Variants in VEPH1 observed in about 807,000 individuals in gnomAD.
The protein encoded by VEPH1 is ventricular zone expressed PH domain containing 1.
Under a neutral mutation model 85.2 loss-of-function variants are expected in VEPH1, and 80 were observed. The ratio of observed to expected loss-of-function variants is 0.94; its 90% CI spans 0.78 to 1.13. VEPH1 has a LOEUF of 1.13. VEPH1 is among the 50% of genes most tolerant of loss of function. The pLI, the probability that VEPH1 is intolerant of heterozygous loss-of-function variation, is 0.00. For missense variants in VEPH1, 955 were observed against 980.5 expected (o/e 0.97, Z 0.35); for synonymous variants, 297 against 348.0 (o/e 0.85, Z 1.63).
chr3:157,323,762 G>A (rs979106835), intron 9 of VEPH1, among the ~76,000 whole-genome samples: 5 of 152,014 alleles, frequency 3.3e-5, no homozygotes, highest in Non-Finnish European at 5.9e-5. Flanking sequence ...ACAAGCCATA[G>A]GTGTACAAAG....
chr3:157,374,593 C>T (rs562119314), intron 7 of VEPH1, among the ~76,000 whole-genome samples: 32 of 152,150 alleles, frequency 2.1e-4, no homozygotes, highest in Non-Finnish European at 4.4e-4. Context: ...TAGAGGGACA[C>T]AGAAGGACAC....
chr3:157,383,015 T>A (rs1480430388), intron 6 of VEPH1, among the ~76,000 whole-genome samples: 3 of 152,080 alleles, frequency 2.0e-5, no homozygotes, highest in East Asian at 1.9e-4. Context: ...TTTTATTTTT[T>A]TTTGTAGAGA....
chr3:157,363,679 G>T lies in VEPH1; in HGVS notation c.1420C>A (p.Pro474Thr). 6.2e-7 allele frequency: 1 copy of T among 1,614,094 alleles called. No individual in the cohort carries two copies. The highest frequency in any genetic ancestry group is 8.5e-7 in the Non-Finnish European group (1 of 1,180,014). Reference sequence around the variant, plus strand: ...ATTTCTGAAAGAGAGATGCTGGCTGGTATGTCTCCCCTGTTTTCATCTTCG... The same window carrying T: ...ATTTCTGAAAGAGAGATGCTGGCTGTTATGTCTCCCCTGTTTTCATCTTCG... ...DGEDENRGDI[P>T]ASISLSEIDP... Residue 474 changes from proline to threonine, a missense_variant, in exon 9 of 14, where the codon CCA becomes ACA. Coordinates refer to ENST00000362010, the MANE Select transcript of VEPH1 (RefSeq NM_001167912.2).
intron 4 of VEPH1, among the ~76,000 whole-genome samples, chr3:157,458,928 G>A (rs572378428): frequency 6.6e-6 from 1 of 152,106 alleles, no homozygotes; most frequent in Non-Finnish European, 1.5e-5. Context: ...TCAGATGGTG[G>A]CTCTAGGTGT....
intron 9 of VEPH1, among the ~76,000 whole-genome samples, chr3:157,333,756 A>G (rs946065802): frequency 1.3e-5 from 2 of 152,216 alleles, no homozygotes; most frequent in African/African-American, 4.8e-5. Flanking sequence ...TTACTTTGCA[A>G]CTCTGCAAAA....
Position 157,312,900 on chromosome 3 carries a change from A to ATTT in VEPH1, c.2010+718_2010+720dup, listed in dbSNP as rs140277345. 7.9e-3 allele frequency among the ~76,000 whole-genome samples: 776 copies of ATTT among 98,068 alleles called. 34 individuals carry two copies. Among genetic ancestry groups the ATTT allele is most frequent in the African/African-American group, 0.028 (684 of 24,008 alleles). The allele number at this position is 98,068 out of a possible 152,430, so 64.3% of individuals were successfully genotyped here. A position where few individuals can be genotyped will look rare whatever the true frequency, so the allele number is the denominator to read the frequency against. On this transcript the variant is annotated intron_variant, in intron 11 of 13. Coordinates refer to ENST00000362010, the MANE Select transcript of VEPH1 (RefSeq NM_001167912.2). ...TATGCCTGGCTAATTAAAAAAAAAC[A>ATTT]TTTTTTTTTTTTTTTTTTTTTTGAG... is the stretch of plus-strand genomic sequence containing the variant.
chr3:157,492,359 A>G (rs1739292127), intron 2 of VEPH1, among the ~76,000 whole-genome samples: 1 of 152,206 alleles, frequency 6.6e-6, no homozygotes, highest in Admixed American at 6.5e-5. Flanking sequence ...AATCTAATTT[A>G]TATTTCCAAG....
chr3:157,304,018 A>AT lies in VEPH1; in HGVS notation c.2010+9602dup, dbSNP rs373193825. Among the ~76,000 whole-genome samples, 29 of 64,924 alleles carry AT rather than the reference A, an allele frequency of 4.5e-4. 3 individuals are homozygous for AT. The East Asian group carries it at 8.0e-3, about 18-fold the overall frequency. 42.6% of individuals were successfully genotyped at this position (64,924 alleles called of 152,430 possible). On this transcript the variant is annotated intron_variant, in intron 11 of 13. Coordinates refer to ENST00000362010, the MANE Select transcript of VEPH1 (RefSeq NM_001167912.2). ...TGTAGACTTAAATTTCTCATCTTAT[A>AT]TTTTTTATATATATATATATACACA...
intron 6 of VEPH1, chr3:157,409,897 C>T (rs1731410554): frequency 4.1e-6 from 4 of 985,326 alleles, no homozygotes; most frequent in Non-Finnish European, 4.8e-6. Flanking sequence ...AAAGATCAAA[C>T]CATGGAGTTT....
intron 4 of VEPH1, among the ~76,000 whole-genome samples, chr3:157,439,241 C>T (rs1305288118): frequency 6.6e-6 from 1 of 152,154 alleles, no homozygotes; most frequent in African/African-American, 2.4e-5. Flanking sequence ...ACCTGAAAAA[C>T]CGAAGAATTA....
intron 12 of VEPH1, among the ~76,000 whole-genome samples, chr3:157,282,643 G>C (rs1716285799): frequency 6.6e-6 from 1 of 152,178 alleles, no homozygotes; most frequent in Non-Finnish European, 1.5e-5. Flanking sequence ...AGAAATGAGT[G>C]AAAGTCATGA....
intron 2 of VEPH1, among the ~76,000 whole-genome samples, chr3:157,487,540 ATG>A: frequency 6.6e-6 from 1 of 152,254 alleles, no homozygotes; most frequent in East Asian, 1.9e-4. Context: ...AGATAACAAA[ATG>A]TGGTAACATT....
At chr3:157,411,121 G>T (rs538975654) in intron 6 of VEPH1, among the ~76,000 whole-genome samples, 1 of 152,248 alleles carries the variant, frequency 6.6e-6, no homozygotes, top group South Asian at 2.1e-4. Context: ...TGATGCAATG[G>T]GTGGAGACAG....
chr3:157,331,518 A>G (rs542982317), intron 9 of VEPH1, among the ~76,000 whole-genome samples: 1 of 152,356 alleles, frequency 6.6e-6, no homozygotes, highest in South Asian at 2.1e-4. Flanking sequence ...AGCACCAGGA[A>G]TGAAAGACAG....
intron 12 of VEPH1, 26 bp from the exon 13 acceptor site, chr3:157,265,688 G>A: frequency 1.2e-6 from 2 of 1,609,782 alleles, no homozygotes; most frequent in South Asian, 2.2e-5. Flanking sequence ...GAATAATCAT[G>A]CCATGTATTT....
intron 2 of VEPH1, among the ~76,000 whole-genome samples, chr3:157,471,595 T>TAGGAATTTCCTTGCCC (rs932999291): frequency 4.6e-5 from 7 of 152,216 alleles, no homozygotes; most frequent in Admixed American, 4.6e-4. Flanking sequence ...CTGTTTTGCT[T>TAGGAATTTCCTTGCCC]AGGAATTTCC....
chr3:157,462,390 T>C (rs1032094862), intron 3 of VEPH1, among the ~76,000 whole-genome samples: 1 of 152,098 alleles, frequency 6.6e-6, no homozygotes, highest in African/African-American at 2.4e-5. Flanking sequence ...AATTGCATAT[T>C]GTATGCATGC....
chr3:157,275,663 T>C (rs935426684), intron 12 of VEPH1, among the ~76,000 whole-genome samples: 2 of 152,148 alleles, frequency 1.3e-5, no homozygotes, highest in African/African-American at 4.8e-5. Context: ...TGATTAGATA[T>C]TGAAATATAA....
intron 9 of VEPH1, among the ~76,000 whole-genome samples, chr3:157,328,535 A>T (rs1279655413): frequency 6.6e-6 from 1 of 152,216 alleles, no homozygotes; most frequent in Non-Finnish European, 1.5e-5. Context: ...CTATACAATG[A>T]GAATAAATTT....
Sources: gnomAD v4.1 joint callset for allele counts (sites outside exome capture counted in the v4.1 genomes callset) on GRCh38, gnomAD v4.1.1 for gene constraint, MANE v1.5 for transcripts, NCBI Gene and HGNC (gene_info 2026-07-23, HGNC 2026-07-21) for gene names.